Variants in KIAA0753 observed in about 807,000 individuals in gnomAD.
The protein encoded by KIAA0753 is protein moonraker.
KIAA0753 carries 114 observed loss-of-function variants against 116.9 expected under a neutral mutation model. The observed-to-expected ratio is 0.98, with a 90% CI of 0.84 to 1.14. The LOEUF is 1.14. KIAA0753 is among the 50% of genes most tolerant of loss of function. KIAA0753 has a pLI of 0.00. For synonymous variants in KIAA0753, 405 were observed against 413.1 expected, an observed-to-expected ratio of 0.98 and a Z score of 0.24; for missense variants, 1,156 against 1,172.4, an observed-to-expected ratio of 0.99 and a Z score of 0.20.
At chr17:6,588,812 A>G (rs1476392968) in intron 18 of KIAA0753, among the ~76,000 whole-genome samples, 1 of 152,202 alleles carries the variant, frequency 6.6e-6, no homozygotes, top group Non-Finnish European at 1.5e-5. Flanking sequence ...TACATAAAAA[A>G]AGGGCTACCC....
intron 2 of KIAA0753, 79 bp downstream of exon 2, chr17:6,634,932 A>G: frequency 1.1e-6 from 1 of 927,942 alleles, no homozygotes; most frequent in East Asian, 2.6e-5. Flanking sequence ...GTGATTTCAA[A>G]AGTGTTCACT....
intron 3 of KIAA0753, among the ~76,000 whole-genome samples, chr17:6,625,414 C>T (rs1971601287): frequency 6.6e-6 from 1 of 152,118 alleles, no homozygotes; most frequent in Non-Finnish European, 1.5e-5. Flanking sequence ...CCCCTATAAT[C>T]CCAGCACTTT....
intron 12 of KIAA0753, among the ~76,000 whole-genome samples, chr17:6,604,016 T>C (rs1037352401): frequency 8.5e-5 from 13 of 152,308 alleles, no homozygotes; most frequent in African/African-American, 3.1e-4. Flanking sequence ...GCAGCACAAC[T>C]GGATCCCTCA....
At chr17:6,623,850 T>C (rs1971487815) in intron 4 of KIAA0753, 2 of 298,936 alleles carry the variant, frequency 6.7e-6, no homozygotes, top group African/African-American at 2.2e-5. Context: ...TCTGGAAATG[T>C]AGGCGGGCCG....
At chr17:6,595,392 G>GC (rs1969392103) in intron 15 of KIAA0753, among the ~76,000 whole-genome samples, 1 of 152,168 alleles carries the variant, frequency 6.6e-6, no homozygotes, top group Admixed American at 6.5e-5. Flanking sequence ...AGCACCTGCG[G>GC]CTAGTGGCTA....
chr17:6,608,796 A>G (rs1970353119), intron 9 of KIAA0753, among the ~76,000 whole-genome samples: 1 of 152,196 alleles, frequency 6.6e-6, no homozygotes, highest in African/African-American at 2.4e-5. Context: ...ATTATAAGGC[A>G]ACTCCGTATC....
chr17:6,598,645 C>G (rs1470606552), intron 14 of KIAA0753, among the ~76,000 whole-genome samples: 1 of 152,222 alleles, frequency 6.6e-6, no homozygotes, highest in East Asian at 1.9e-4. Context: ...CTCTGCAGCT[C>G]TAAGCCTAGG....
intron 18 of KIAA0753, among the ~76,000 whole-genome samples, chr17:6,582,452 A>C (rs1373924710): frequency 6.6e-6 from 1 of 152,242 alleles, no homozygotes; most frequent in African/African-American, 2.4e-5. Context: ...ATGGTTTCAA[A>C]AGTCAGAGTT....
intron 1 of KIAA0753, chr17:6,636,834 G>C (rs1224559695): frequency 6.7e-6 from 1 of 150,000 alleles, no homozygotes; most frequent in African/African-American, 2.5e-5. Context: ...CTCCCAAATT[G>C]CTCCCTCTCA....
At chr17:6,617,392 A>C (rs1262733634) in intron 7 of KIAA0753, among the ~76,000 whole-genome samples, 1 of 152,226 alleles carries the variant, frequency 6.6e-6, no homozygotes, top group Non-Finnish European at 1.5e-5. Context: ...CGAACATCCC[A>C]TTAAAGTGAA....
intron 10 of KIAA0753, among the ~76,000 whole-genome samples, chr17:6,607,550 A>G (rs537053368): frequency 6.6e-6 from 1 of 152,314 alleles, no homozygotes; most frequent in East Asian, 1.9e-4. Context: ...TTAGACTCAA[A>G]CAAAACCATT....
intron 11 of KIAA0753, 32 bp from the exon 12 acceptor site, chr17:6,606,994 C>A (rs1457010768): frequency 1.9e-6 from 3 of 1,596,242 alleles, no homozygotes; most frequent in Admixed American, 3.3e-5. Flanking sequence ...CACCCCAACT[C>A]TCCTCAAGGC....
At chr17:6,622,808 A>C in intron 6 of KIAA0753, 74 bp downstream of exon 6, 1 of 1,289,920 alleles carries the variant, frequency 7.8e-7, no homozygotes, top group South Asian at 1.2e-5. Context: ...TTCTCCATAA[A>C]TCCTAACGAA....
intron 6 of KIAA0753, 55 bp downstream of exon 6, chr17:6,622,827 A>G: frequency 4.2e-6 from 6 of 1,426,128 alleles, no homozygotes; most frequent in Non-Finnish European, 5.9e-6. Flanking sequence ...AAACTAGGTA[A>G]TAGTAAGCAT....
chr17:6,632,778 C>T (rs1885511312), intron 2 of KIAA0753, among the ~76,000 whole-genome samples: 1 of 152,154 alleles, frequency 6.6e-6, no homozygotes, highest in South Asian at 2.1e-4. Context: ...GCCAAAAGTG[C>T]ATTACCTGAA....
chr17:6,611,355 C>G (rs902502663), intron 8 of KIAA0753, among the ~76,000 whole-genome samples: 1 of 151,720 alleles, frequency 6.6e-6, no homozygotes, highest in Non-Finnish European at 1.5e-5. Context: ...GGCTGGAGTA[C>G]AGTGGATCGA....
chr17:6,589,012 G>T (rs899644740), intron 18 of KIAA0753, among the ~76,000 whole-genome samples: 3 of 151,992 alleles, frequency 2.0e-5, no homozygotes, highest in African/African-American at 7.2e-5. Flanking sequence ...GGAATATTTT[G>T]TGTTCTCTGA....
chr17:6,608,064 T>C (rs541084705), intron 10 of KIAA0753, among the ~76,000 whole-genome samples: 15 of 152,328 alleles, frequency 9.8e-5, no homozygotes, highest in African/African-American at 3.6e-4. Flanking sequence ...AAAGTCTCCA[T>C]AGAGCTCATA....
chr17:6,607,332 C>G, intron 10 of KIAA0753, 62 bp from the exon 11 acceptor site: 2 of 1,329,526 alleles, frequency 1.5e-6, no homozygotes, highest in Non-Finnish European at 2.2e-6. Context: ...GTCATCATCA[C>G]AGAAACAGAC....
Sources: gnomAD v4.1 joint callset for allele counts (sites outside exome capture counted in the v4.1 genomes callset) on GRCh38, gnomAD v4.1.1 for gene constraint, MANE v1.5 for transcripts, NCBI Gene and HGNC (gene_info 2026-07-23, HGNC 2026-07-21) for gene names.